The following GRK5 variants were observed in gnomAD, a reference collection of about 807,000 sequenced individuals.
The protein encoded by GRK5 is G protein-coupled receptor kinase 5.
GRK5 carries 40 observed loss-of-function variants against 78.4 expected under a neutral mutation model. The observed-to-expected ratio is 0.51, with a 90% CI of 0.40 to 0.66. GRK5 has a LOEUF of 0.66. Ranked by LOEUF, GRK5 falls within the 30% of genes least tolerant of loss-of-function variation. GRK5 has a pLI of 0.00. For missense variants in GRK5, 598 were observed against 759.9 expected, an observed-to-expected ratio of 0.79 and a Z score of 2.50; for synonymous variants, 289 against 296.8, an observed-to-expected ratio of 0.97 and a Z score of 0.27.
chr10:119,405,391 C>G (rs1230210106), intron 4 of GRK5, among the ~76,000 whole-genome samples: 1 of 152,130 alleles, frequency 6.6e-6, no homozygotes, highest in East Asian at 1.9e-4. Context: ...TAGGGTAAGA[C>G]AGGGAAGTTG....
At chr10:119,265,791 C>G (rs1181376422) in intron 1 of GRK5, among the ~76,000 whole-genome samples, 2 of 152,228 alleles carry the variant, frequency 1.3e-5, no homozygotes, top group Non-Finnish European at 2.9e-5. Flanking sequence ...TCCAGGGAAA[C>G]CCTGGGCCCT....
intron 2 of GRK5, among the ~76,000 whole-genome samples, chr10:119,373,075 G>C (rs187366181): frequency 6.6e-6 from 1 of 152,390 alleles, no homozygotes; most frequent in East Asian, 1.9e-4. Flanking sequence ...GACTCATCTT[G>C]TGGAACAGGT....
chr10:119,285,835 G>A (rs1230692098), intron 1 of GRK5, among the ~76,000 whole-genome samples: 4 of 152,142 alleles, frequency 2.6e-5, no homozygotes, highest in Non-Finnish European at 4.4e-5. Context: ...AGTAGGGAGG[G>A]ATGAAGGACC....
Position 119,250,724 on chromosome 10 carries a change from T to G in GRK5, c.52+42755T>G, listed in dbSNP as rs148082744. Among the ~76,000 whole-genome samples the G allele has an allele frequency of 1.6e-3, 240 of 152,260 alleles. 1 individual carries two copies. Among genetic ancestry groups the G allele is most frequent in the Non-Finnish European group, 2.5e-3 (172 of 68,018 alleles). On this transcript the variant is annotated intron_variant, in intron 1 of 15. Coordinates refer to ENST00000392870, the MANE Select transcript of GRK5 (RefSeq NM_005308.3). ...ACTGGATCAGAGCTACACACAAAAT[T>G]GGAAGTGAACGTTGGAGAAAGTGGC...
At chr10:119,368,246 C>T (rs1373740244) in intron 2 of GRK5, among the ~76,000 whole-genome samples, 1 of 152,242 alleles carries the variant, frequency 6.6e-6, no homozygotes, top group African/African-American at 2.4e-5. Flanking sequence ...GTAAAGACTC[C>T]CAGATTTCCT....
intron 2 of GRK5, among the ~76,000 whole-genome samples, chr10:119,337,931 C>G (rs1280847948): frequency 6.6e-6 from 1 of 152,128 alleles, no homozygotes; most frequent in Non-Finnish European, 1.5e-5. Flanking sequence ...CAAGTTTCCC[C>G]TTTTTCATGA....
At chr10:119,389,891 C>T (rs10886471) in intron 3 of GRK5, among the ~76,000 whole-genome samples, 59,076 of 151,956 alleles carry the variant, frequency 0.39, 12,849 homozygotes, top group Non-Finnish European at 0.47. Flanking sequence ...GGTCTCTGGG[C>T]TCTTGGCCCA....
intron 2 of GRK5, among the ~76,000 whole-genome samples, chr10:119,347,297 G>A (rs1482334036): frequency 1.3e-5 from 2 of 152,094 alleles, no homozygotes; most frequent in African/African-American, 2.4e-5. Context: ...GCATGTGTGT[G>A]TATACATGCA....
At position 119,455,297 on chromosome 10, in the gene GRK5, T is replaced by C. The variant is rs779868173; in HGVS notation, c.*230T>C. On this transcript the variant is annotated 3_prime_UTR_variant, in exon 16 of 16. Coordinates refer to ENST00000392870, the MANE Select transcript of GRK5 (RefSeq NM_005308.3). ...CGGGGTGGATTGGATTTGTCTTTGG[T>C]GAACATTGCAATAGAAATCCAATTG... 2.9e-6 allele frequency: 2 copies of C among 692,102 alleles called. No homozygotes were observed. Among genetic ancestry groups the C allele is most frequent in the Non-Finnish European group, 5.3e-6 (2 of 378,694 alleles). 42.9% of individuals were successfully genotyped at this position (692,102 alleles called of 1,614,324 possible).
intron 4 of GRK5, among the ~76,000 whole-genome samples, chr10:119,399,737 C>T (rs1224116707): frequency 6.6e-6 from 1 of 152,202 alleles, no homozygotes; most frequent in African/African-American, 2.4e-5. Flanking sequence ...AAGTTATTGA[C>T]CATAATTTTT....
At chr10:119,398,409 C>A (rs563505422) in intron 4 of GRK5, among the ~76,000 whole-genome samples, 13 of 152,094 alleles carry the variant, frequency 8.5e-5, no homozygotes, top group East Asian at 1.9e-4. Context: ...CGCGTATCCA[C>A]GAGATTGCCC....
At chr10:119,434,655 C>G (rs1852885654) in intron 8 of GRK5, among the ~76,000 whole-genome samples, 1 of 152,256 alleles carries the variant, frequency 6.6e-6, no homozygotes, top group Non-Finnish European at 1.5e-5. Flanking sequence ...TACCGTCTCC[C>G]TCCTGGCTGC....
intron 3 of GRK5, among the ~76,000 whole-genome samples, chr10:119,382,928 T>TC (rs1235009118): frequency 1.3e-5 from 2 of 152,168 alleles, no homozygotes; most frequent in Non-Finnish European, 2.9e-5. Flanking sequence ...TCTTTCTTTT[T>TC]TTTTTGTTTT....
intron 1 of GRK5, among the ~76,000 whole-genome samples, chr10:119,265,702 G>A (rs958887696): frequency 6.6e-6 from 1 of 152,262 alleles, no homozygotes; most frequent in African/African-American, 2.4e-5. Flanking sequence ...ATTGGAGTGA[G>A]TGCCTGGGCT....
chr10:119,423,048 CT>C (rs1852601319), intron 4 of GRK5, 117 bp from the exon 5 acceptor site: 1 of 719,852 alleles, frequency 1.4e-6, no homozygotes, highest in Non-Finnish European at 2.5e-6. Context: ...CACAGACGGG[CT>C]GCCAGATGTA....
At chr10:119,319,427 G>A (rs1469108253) in intron 1 of GRK5, among the ~76,000 whole-genome samples, 1 of 152,218 alleles carries the variant, frequency 6.6e-6, no homozygotes, top group African/African-American at 2.4e-5. Context: ...CCCAGAGCGG[G>A]AGCCCCCCTG....
intron 1 of GRK5, among the ~76,000 whole-genome samples, chr10:119,270,571 A>G (rs1171284770): frequency 6.6e-6 from 1 of 152,254 alleles, no homozygotes; most frequent in Non-Finnish European, 1.5e-5. Context: ...ACCAGAACCA[A>G]TCCCCTAAGA....
intron 3 of GRK5, among the ~76,000 whole-genome samples, chr10:119,395,611 C>T (rs1360378530): frequency 3.3e-5 from 5 of 152,172 alleles, no homozygotes; most frequent in African/African-American, 1.2e-4. Flanking sequence ...TGAGAAAGGG[C>T]CGCTTACTCA....
intron 6 of GRK5, among the ~76,000 whole-genome samples, chr10:119,426,962 A>G (rs62636331): frequency 7.4e-5 from 5 of 67,246 alleles, no homozygotes; most frequent in Non-Finnish European, 1.6e-4. Context: ...CATCACTGCC[A>G]TAAACAGCAT....
Sources: allele counts gnomAD v4.1 joint callset (sites outside exome capture counted in the v4.1 genomes callset), GRCh38; gene constraint gnomAD v4.1.1; transcripts MANE v1.5; gene names NCBI Gene and HGNC (gene_info 2026-07-23, HGNC 2026-07-21).